Variants in CNTNAP2 observed in about 807,000 individuals in gnomAD.
CNTNAP2 encodes the protein contactin-associated protein-like 2.
In CNTNAP2, 98 loss-of-function variants were observed where a neutral mutation model predicts 155.2. That is an observed-to-expected ratio of 0.63 (90% CI 0.54 to 0.75). The LOEUF (loss-of-function observed/expected upper bound fraction) is 0.75. Among genes scored for constraint, CNTNAP2 ranks in the 30% least tolerant of loss-of-function variants. The probability of loss-of-function intolerance (pLI) is 0.00; values close to 1 mark genes in which losing one functional copy is unlikely to be tolerated. For synonymous variants in CNTNAP2, 651 were observed against 631.2 expected (o/e 1.03, Z -0.47); for missense variants, 1,727 against 1,688.1 (o/e 1.02, Z -0.40).
intron 1 of CNTNAP2, among the ~76,000 whole-genome samples, chr7:146,240,256 A>G (rs1179017461): frequency 6.6e-6 from 1 of 152,180 alleles, no homozygotes; most frequent in Non-Finnish European, 1.5e-5. Context: ...TACTTATAGT[A>G]GAATTTTATC....
At chr7:147,814,291 C>G (rs145926346) in intron 13 of CNTNAP2, among the ~76,000 whole-genome samples, 384 of 152,252 alleles carry the variant, frequency 2.5e-3, no homozygotes, top group Admixed American at 4.0e-3. Flanking sequence ...ATTAAACCAT[C>G]ATCTAGAAAG....
chr7:146,321,622 A>T (rs989486596), intron 1 of CNTNAP2, among the ~76,000 whole-genome samples: 1 of 152,212 alleles, frequency 6.6e-6, no homozygotes, highest in Non-Finnish European at 1.5e-5. Flanking sequence ...GGAGTGTGGA[A>T]TGCAGACTTA....
intron 21 of CNTNAP2, among the ~76,000 whole-genome samples, chr7:148,330,144 T>C (rs923831659): frequency 8.3e-4 from 121 of 146,020 alleles, no homozygotes; most frequent in African/African-American, 3.1e-3. Context: ...GTAGAATGGA[T>C]GGATGGAGTG....
intron 1 of CNTNAP2, among the ~76,000 whole-genome samples, chr7:146,522,789 AAAT>A (rs1289468408): frequency 1.3e-5 from 2 of 149,918 alleles, no homozygotes; most frequent in East Asian, 1.9e-4. Flanking sequence ...TTAAAAAATA[AAAT>A]AATATCTATT....
chr7:146,753,244 T>A (rs13222875), intron 1 of CNTNAP2, among the ~76,000 whole-genome samples: 10,589 of 151,908 alleles, frequency 0.07, 434 homozygotes, highest in Non-Finnish European at 0.079. Flanking sequence ...GATTTATTTT[T>A]TTCAGTCAAA....
At chr7:147,414,343 G>T (rs1797151881) in intron 10 of CNTNAP2, among the ~76,000 whole-genome samples, 1 of 150,796 alleles carries the variant, frequency 6.6e-6, no homozygotes, top group Non-Finnish European at 1.5e-5. Flanking sequence ...AGAATTGCTT[G>T]TACCTGGGAG....
intron 18 of CNTNAP2, chr7:148,189,766 T>G (rs1379878970): frequency 6.6e-6 from 1 of 152,198 alleles, no homozygotes; most frequent in African/African-American, 2.4e-5. Flanking sequence ...CAGTCTCTGT[T>G]GCACTAGAAG....
chr7:146,670,964 G>A (rs965600843), intron 1 of CNTNAP2, among the ~76,000 whole-genome samples: 19 of 152,220 alleles, frequency 1.2e-4, no homozygotes, highest in Middle Eastern at 3.4e-3. Context: ...GTTTCCACCT[G>A]TTCACTTCAA....
chr7:147,246,258 T>G (rs1158966227), intron 8 of CNTNAP2, among the ~76,000 whole-genome samples: 1 of 152,102 alleles, frequency 6.6e-6, no homozygotes, highest in Admixed American at 6.6e-5. Flanking sequence ...AAGGCTTGTC[T>G]GCTCACTAAA....
chr7:148,256,069 A>G (rs938165498), intron 20 of CNTNAP2, among the ~76,000 whole-genome samples: 2 of 152,194 alleles, frequency 1.3e-5, no homozygotes, highest in Non-Finnish European at 2.9e-5. Flanking sequence ...GAATGTCGGG[A>G]GCCAAGTCTG....
intron 13 of CNTNAP2, among the ~76,000 whole-genome samples, chr7:147,864,227 C>G (rs559186091): frequency 6.6e-6 from 1 of 152,160 alleles, no homozygotes; most frequent in Non-Finnish European, 1.5e-5. Flanking sequence ...TGTCAAAGAT[C>G]CAATGGTTAT....
At chr7:147,831,680 A>G (rs1381677003) in intron 13 of CNTNAP2, 1 of 152,228 alleles carries the variant, frequency 6.6e-6, no homozygotes, top group African/African-American at 2.4e-5. Context: ...CAAAAGTAAA[A>G]AAAGAAGTCT....
chr7:146,330,711 T>C (rs890301961), intron 1 of CNTNAP2, among the ~76,000 whole-genome samples: 5 of 152,152 alleles, frequency 3.3e-5, no homozygotes, highest in Non-Finnish European at 7.3e-5. Flanking sequence ...ACTTGGCTGT[T>C]GGAGGAAAAG....
At chr7:146,735,891 T>G (rs1388712399) in intron 1 of CNTNAP2, among the ~76,000 whole-genome samples, 1 of 147,210 alleles carries the variant, frequency 6.8e-6, no homozygotes, top group African/African-American at 2.7e-5. Flanking sequence ...TTCAAATAGC[T>G]AGAAGAGAGG....
chr7:147,989,999 C>A (rs1801681908), intron 15 of CNTNAP2, among the ~76,000 whole-genome samples: 1 of 152,230 alleles, frequency 6.6e-6, no homozygotes, highest in East Asian at 1.9e-4. Context: ...TCTTCACACA[C>A]CAGCTGCAAA....
intron 13 of CNTNAP2, among the ~76,000 whole-genome samples, chr7:147,805,103 G>A (rs184964279): frequency 1.3e-3 from 200 of 150,976 alleles, no homozygotes; most frequent in Non-Finnish European, 8.6e-4. Flanking sequence ...CGGAGCCTGA[G>A]TTTTGTTGCC....
intron 13 of CNTNAP2, among the ~76,000 whole-genome samples, chr7:147,876,624 C>T (rs1799423219): frequency 2.6e-5 from 3 of 113,336 alleles, no homozygotes; most frequent in African/African-American, 1.0e-4. Flanking sequence ...CCTTCCTTTC[C>T]CTCCACATTT....
At chr7:146,930,229 C>T (rs2129222608) in intron 3 of CNTNAP2, among the ~76,000 whole-genome samples, 1 of 152,292 alleles carries the variant, frequency 6.6e-6, no homozygotes, top group Admixed American at 6.5e-5. Context: ...ATCAGACTAA[C>T]AGCGGATCTC....
intron 3 of CNTNAP2, among the ~76,000 whole-genome samples, chr7:147,033,147 CAT>C (rs140439948): frequency 4.6e-5 from 4 of 86,976 alleles, no homozygotes; most frequent in Non-Finnish European, 8.6e-5. Context: ...GATATTGCTG[CAT>C]ATATATATAT....
Sources: gnomAD v4.1 joint callset for allele counts (sites outside exome capture counted in the v4.1 genomes callset) on GRCh38, gnomAD v4.1.1 for gene constraint, MANE v1.5 for transcripts, NCBI Gene and HGNC (gene_info 2026-07-23, HGNC 2026-07-21) for gene names.